The following TRPC5 variants were observed in gnomAD, a reference collection of about 807,000 sequenced individuals.
TRPC5 encodes the protein transient receptor potential cation channel subfamily C member 5.
TRPC5 carries 9 observed loss-of-function variants against 56.5 expected under a neutral mutation model. That is an observed-to-expected ratio of 0.16 (90% CI 0.10 to 0.28). The LOEUF (loss-of-function observed/expected upper bound fraction) is 0.28. TRPC5 is among the 10% of genes least tolerant of loss of function. The probability of loss-of-function intolerance (pLI) is 1.00; values close to 1 mark genes in which losing one functional copy is unlikely to be tolerated. For missense variants in TRPC5, 469 were observed against 748.9 expected, an observed-to-expected ratio of 0.63 and a Z score of 4.36; for synonymous variants, 282 against 278.5, an observed-to-expected ratio of 1.01 and a Z score of -0.13.
At chrX:111,823,154 G>T (rs372084434) in intron 7 of TRPC5, among the ~76,000 whole-genome samples, 1 of 111,826 alleles carries the variant, frequency 8.9e-6, no homozygotes, top group African/African-American at 3.3e-5. Context: ...GAATTTTGTG[G>T]CAAAGAGCTC....
chrX:111,930,103 C>T (rs898473291), intron 2 of TRPC5, among the ~76,000 whole-genome samples: 2 of 111,088 alleles, frequency 1.8e-5, no homozygotes, highest in African/African-American at 3.3e-5. Flanking sequence ...CCTCATCAAA[C>T]ACTACTCAAC....
At chrX:112,059,666 C>T (rs1167902401) in intron 1 of TRPC5, among the ~76,000 whole-genome samples, 1 of 111,919 alleles carries the variant, frequency 8.9e-6, no homozygotes, top group Non-Finnish European at 1.9e-5. Flanking sequence ...ATCATAAACT[C>T]AGGCTAAAGT....
At chrX:111,913,242 A>G (rs1925871684) in intron 2 of TRPC5, among the ~76,000 whole-genome samples, 1 of 111,677 alleles carries the variant, frequency 9.0e-6, no homozygotes, top group Non-Finnish European at 1.9e-5. Context: ...TGGAGAATAC[A>G]GAGAAGTAAA....
At chrX:111,866,469 T>G (rs1205642117) in intron 3 of TRPC5, among the ~76,000 whole-genome samples, 1 of 113,017 alleles carries the variant, frequency 8.8e-6, no homozygotes, top group Non-Finnish European at 1.9e-5. Context: ...CAGTTGTTGA[T>G]TGTTTTCCCT....
At chrX:111,778,295 TA>T (rs902845531) in intron 10 of TRPC5, among the ~76,000 whole-genome samples, 2 of 110,953 alleles carry the variant, frequency 1.8e-5, no homozygotes, top group African/African-American at 6.6e-5. Context: ...TAAAGTATAA[TA>T]AAAAAATTAA....
At chrX:111,899,567 G>GA (rs757368722) in intron 3 of TRPC5, among the ~76,000 whole-genome samples, 6 of 110,659 alleles carry the variant, frequency 5.4e-5, no homozygotes, top group Admixed American at 3.9e-4. Context: ...GAGAAGCTGA[G>GA]AAAAAAAACT....
chrX:112,063,552 G>C (rs1930506418), intron 1 of TRPC5, among the ~76,000 whole-genome samples: 2 of 111,461 alleles, frequency 1.8e-5, no homozygotes, highest in South Asian at 7.6e-4. Context: ...AAAAATGTTA[G>C]TTTTGTTTTG....
chrX:111,807,397 A>G (rs61074822), intron 7 of TRPC5, among the ~76,000 whole-genome samples: 2,064 of 112,152 alleles, frequency 0.018, 43 homozygotes, highest in African/African-American at 0.064. Context: ...CCACTACAGA[A>G]TTTCTTCCCG....
At position 112,009,219 on chromosome X, in the gene TRPC5, TG is replaced by T. The variant is rs750824715; in HGVS notation, c.-21-56779del. 5.1e-4 allele frequency among the ~76,000 whole-genome samples: 57 copies of T among 111,855 alleles called. No individual in the cohort carries two copies. In the South Asian group the frequency reaches 0.011, roughly 22 times the overall value. ...TAGCTGCCATGTGTCACGTTTGAGT[TG>T]GGTGTAGTTTATGAATCGAGATTGC... is the stretch of plus-strand genomic sequence containing the variant. On this transcript the variant is annotated intron_variant, in intron 1 of 10. Coordinates refer to ENST00000262839, the MANE Select transcript of TRPC5 (RefSeq NM_012471.3).
chrX:111,990,525 C>T (rs1928326820), intron 1 of TRPC5, among the ~76,000 whole-genome samples: 2 of 111,516 alleles, frequency 1.8e-5, no homozygotes, highest in Admixed American at 1.9e-4. Context: ...GCACACTTCT[C>T]TGGGATAAAT....
At chrX:111,934,068 G>C (rs184281231) in intron 2 of TRPC5, among the ~76,000 whole-genome samples, 24 of 109,628 alleles carry the variant, frequency 2.2e-4, no homozygotes, top group Admixed American at 4.9e-4. Flanking sequence ...TTTCTCCTAC[G>C]CTTTAGGTTG....
At chrX:111,947,331 CTTTT>C (rs1409730888) in intron 2 of TRPC5, among the ~76,000 whole-genome samples, 1 of 111,035 alleles carries the variant, frequency 9.0e-6, no homozygotes, top group Non-Finnish European at 1.9e-5. Context: ...GTCAATTTTT[CTTTT>C]TTATTTATTT....
chrX:111,786,555 A>G (rs1191629415), intron 7 of TRPC5, among the ~76,000 whole-genome samples: 1 of 111,348 alleles, frequency 9.0e-6, no homozygotes, highest in Non-Finnish European at 1.9e-5. Flanking sequence ...GATCAAATTC[A>G]CACATAAAAT....
intron 1 of TRPC5, among the ~76,000 whole-genome samples, chrX:112,061,833 T>G (rs1414554604): frequency 9.0e-6 from 1 of 111,697 alleles, no homozygotes; most frequent in Non-Finnish European, 1.9e-5. Flanking sequence ...ACCTCTTTGC[T>G]CCTTCTTTAC....
chrX:111,971,068 G>A (rs1358928426), intron 1 of TRPC5, among the ~76,000 whole-genome samples: 7 of 111,538 alleles, frequency 6.3e-5, no homozygotes, highest in East Asian at 5.7e-4. Context: ...GTGAGTCACC[G>A]CGCCCGGCCA....
In TRPC5 at chrX:111,898,668, G is replaced by A. The variant is rs973387317; in HGVS notation, c.900+13623C>T. ...ATGACAATTACATTTTAGTCTATAT[G>A]TATGTGGGGGTAAGGTGAGAGACAG... On this transcript the variant is annotated intron_variant, in intron 3 of 10. Coordinates refer to ENST00000262839, the MANE Select transcript of TRPC5 (RefSeq NM_012471.3). 3.6e-5 allele frequency among the ~76,000 whole-genome samples: 4 copies of A among 110,580 alleles called. No individual in the cohort carries two copies. The Admixed American group carries it at 3.9e-4, about 11-fold the overall frequency.
intron 6 of TRPC5, among the ~76,000 whole-genome samples, chrX:111,836,651 TA>T (rs2148578159): frequency 8.9e-6 from 1 of 112,356 alleles, no homozygotes; most frequent in African/African-American, 3.2e-5. Flanking sequence ...AAAATTATAT[TA>T]GGTAATTTTT....
chrX:111,776,398 A>G lies in TRPC5; in HGVS notation c.2837T>C (p.Val946Ala), dbSNP rs1384268966. 1.7e-6 allele frequency: 2 copies of G among 1,210,043 alleles called. No individual in the cohort carries two copies. Among genetic ancestry groups the G allele is most frequent in the Admixed American group, 4.4e-5 (2 of 45,676 alleles). The change falls in exon 11 of 11, where the codon GTA becomes GCA. Residue 946 changes from valine to alanine, a missense_variant. This residue lies in a region of TRPC5 where 194 missense variants were observed against 221.8 expected (regional missense o/e 0.87). Transcript: ENST00000262839. ...NSKLLDSSEDVFETWGEACDL... is the reference protein window; with the variant it reads ...NSKLLDSSEDAFETWGEACDL... ...ACAAGCCTCTCCCCAAGTTTCAAAT[A>G]CATCCTCTGAGGAGTCTAAAAGTTT...
chrX:111,873,483 C>T (rs1923823503), intron 3 of TRPC5, among the ~76,000 whole-genome samples: 1 of 111,368 alleles, frequency 9.0e-6, no homozygotes, highest in Non-Finnish European at 1.9e-5. Flanking sequence ...TACACGTGTG[C>T]CCTTTAATAA....
Sources: gnomAD v4.1 joint callset for allele counts (sites outside exome capture counted in the v4.1 genomes callset) on GRCh38, gnomAD v4.1.1 for gene constraint, gnomAD v4.1.1 regional missense constraint, MANE v1.5 for transcripts, NCBI Gene and HGNC (gene_info 2026-07-23, HGNC 2026-07-21) for gene names.